SLF1: variants seen among roughly 807,000 people sequenced by gnomAD.
The protein encoded by SLF1 is SMC5/6 complex localization factor 1.
A neutral mutation model predicts 123.0 loss-of-function variants in SLF1; 105 were observed. That is an observed-to-expected ratio of 0.85 (90% confidence interval 0.73 to 1.00). The LOEUF (loss-of-function observed/expected upper bound fraction) is 1.00. SLF1 is among the 50% of genes least tolerant of loss of function. The pLI is 0.00. For synonymous variants in SLF1, 434 were observed against 406.6 expected (o/e 1.07, Z -0.81); for missense variants, 1,239 against 1,223.0 (o/e 1.01, Z -0.20).
chr5:94,640,001 A>G (rs1746266013), intron 4 of SLF1, among the ~76,000 whole-genome samples: 1 of 152,198 alleles, frequency 6.6e-6, no homozygotes, highest in Admixed American at 6.5e-5. Context: ...ATACATTGGT[A>G]ATATTTTACT....
rs764440450 is a variant in SLF1 at position 94,670,824 on chromosome 5, T to C, written c.1662-19T>C. On this transcript the variant is annotated intron_variant, in intron 13 of 20. Transcript: ENST00000265140. ...TCAAATTGGCTTAAAGATATACTTT[T>C]TGTTTATATTTTAATTAGGTTGTAT... is the stretch of plus-strand genomic sequence containing the variant. 1 of 1,524,660 alleles carries C rather than the reference T, an allele frequency of 6.6e-7. No homozygotes were observed. Among genetic ancestry groups the C allele is most frequent in the South Asian group, 1.2e-5 (1 of 81,194 alleles). 94.4% of individuals were successfully genotyped at this position (1,524,660 alleles called of 1,614,324 possible).
chr5:94,669,768 G>A (rs974380002), intron 12 of SLF1, among the ~76,000 whole-genome samples: 5 of 151,996 alleles, frequency 3.3e-5, no homozygotes, highest in Non-Finnish European at 5.9e-5. Flanking sequence ...TCTTGGGTAA[G>A]AAAGAGGAGG....
chr5:94,639,464 T>C (rs75727725), intron 4 of SLF1, among the ~76,000 whole-genome samples: 238 of 152,354 alleles, frequency 1.6e-3, no homozygotes, highest in Non-Finnish European at 2.8e-3. Flanking sequence ...CTGTAATATA[T>C]ACAGTGTCCA....
intron 11 of SLF1, among the ~76,000 whole-genome samples, chr5:94,665,349 A>G (rs1373544434): frequency 2.0e-5 from 3 of 152,220 alleles, no homozygotes; most frequent in Non-Finnish European, 4.4e-5. Flanking sequence ...TTCAGGTATC[A>G]GCTGTACATA....
intron 11 of SLF1, among the ~76,000 whole-genome samples, chr5:94,664,441 C>T (rs976952379): frequency 5.3e-5 from 8 of 152,176 alleles, no homozygotes; most frequent in African/African-American, 1.7e-4. Flanking sequence ...ACTGTAGGCG[C>T]ATGCCACCAT....
intron 15 of SLF1, 100 bp from the exon 16 acceptor site, chr5:94,686,473 G>A (rs1353709319): frequency 7.9e-7 from 1 of 1,273,466 alleles, no homozygotes; most frequent in Non-Finnish European, 1.1e-6. Flanking sequence ...AGGTGTAAGA[G>A]CTCTCATTTG....
chr5:94,665,230 A>G (rs1443772036), intron 11 of SLF1, among the ~76,000 whole-genome samples: 1 of 152,072 alleles, frequency 6.6e-6, no homozygotes, highest in Admixed American at 6.5e-5. Context: ...TCCCAAATAC[A>G]GAATACTGTA....
chr5:94,622,383 C>CAA (rs1191037222), intron 1 of SLF1, among the ~76,000 whole-genome samples: 2 of 152,104 alleles, frequency 1.3e-5, no homozygotes, highest in African/African-American at 2.4e-5. Context: ...AAATAACAAA[C>CAA]ACTGAGAAAC....
rs898048310 is a variant in SLF1, at chr5:94,694,988, A to G, written c.2853A>G (p.Gln951=). 3.1e-6 allele frequency: 5 copies of G among 1,612,652 alleles called. No individual in the cohort carries two copies. The highest frequency in any genetic ancestry group is 3.4e-6 in the Non-Finnish European group (4 of 1,179,148). ...AQAEKHFHYQ[Q]LEFGSFLLSR... is the part of the protein sequence containing the mutation. The stretch of plus-strand genomic sequence containing the variant: ...CAGAGAAACATTTTCATTACCAGCA[A>G]CTTGAATTTGGCTCCTTTTTACTTA... The change falls in exon 21 of 21, where the codon CAA becomes CAG. Residue 951 remains glutamine (Q), a synonymous_variant. Coordinates refer to ENST00000265140, the MANE Select transcript of SLF1 (RefSeq NM_032290.4).
At chr5:94,673,831 A>G (rs919966467) in intron 14 of SLF1, among the ~76,000 whole-genome samples, 1 of 151,724 alleles carries the variant, frequency 6.6e-6, no homozygotes, top group South Asian at 2.1e-4. Context: ...TTTTTGAGGT[A>G]CTATTTTTTT....
intron 2 of SLF1, 45 bp downstream of exon 2, chr5:94,628,969 T>C: frequency 6.9e-7 from 1 of 1,450,724 alleles, no homozygotes; most frequent in South Asian, 1.3e-5. Context: ...GAAAAATAAC[T>C]ACAATTCAAA....
At position 94,629,174 on chromosome 5, in the gene SLF1, T is replaced by G; in HGVS notation, c.190+7T>G. On this transcript the variant is annotated splice_region_variant and intron_variant, in intron 3 of 20. Transcript: ENST00000265140. ...TTAGCAGCTTGTGCGGCAGGTAAGT[T>G]AACTGTCTTCCCCCAACTTTTAAAA... is the stretch of plus-strand genomic sequence containing the variant. The G allele has an allele frequency of 6.5e-7, 1 of 1,545,710 alleles. No homozygotes were observed. The highest frequency in any genetic ancestry group is 8.7e-7 in the Non-Finnish European group (1 of 1,144,004).
chr5:94,675,396 A>G (rs1312508790), intron 14 of SLF1, among the ~76,000 whole-genome samples: 3 of 152,166 alleles, frequency 2.0e-5, no homozygotes, highest in East Asian at 3.8e-4. Flanking sequence ...GTCAGCTTTA[A>G]CAAATATTTC....
rs1474556975 is a variant in SLF1, at chr5:94,696,303, A to C, written c.*991A>C. On this transcript the variant is annotated 3_prime_UTR_variant, in exon 21 of 21. Coordinates refer to ENST00000265140, the MANE Select transcript of SLF1 (RefSeq NM_032290.4). ...ATGTAATTCAAGTGATGACCTTAGC[A>C]GTTAATCTGCTAAAGCAATACACTT... is the stretch of plus-strand genomic sequence containing the variant. 2 of 151,894 alleles carry C rather than the reference A, an allele frequency of 1.3e-5. No homozygotes were observed. The highest frequency in any genetic ancestry group is 1.3e-4 in the Admixed American group (2 of 15,194). The allele number at this position is 151,894 out of a possible 1,614,324, so 9.4% of individuals were successfully genotyped here. A position where few individuals can be genotyped will look rare whatever the true frequency, so the allele number is the denominator to read the frequency against.
Position 94,649,448 on chromosome 5 carries a change from A to G in SLF1, c.595-6A>G, listed in dbSNP as rs1267653390. On this transcript the variant is annotated splice_region_variant and splice_polypyrimidine_tract_variant and intron_variant, in intron 5 of 20. Coordinates refer to ENST00000265140, the MANE Select transcript of SLF1 (RefSeq NM_032290.4). ...GATTGCCTAAACCATTTTTACATAC[A>G]TACAGAAAGAAATTCAGAATGATGA... The G allele has an allele frequency of 2.0e-6, 3 of 1,490,132 alleles. No individual in the cohort carries two copies. Among genetic ancestry groups the G allele is most frequent in the Middle Eastern group, 3.8e-4 (2 of 5,224 alleles). 92.3% of individuals were successfully genotyped at this position (1,490,132 alleles called of 1,614,324 possible).
In SLF1 at chr5:94,636,798, ACCT is replaced by A. The variant is rs564602414; in HGVS notation, c.431+6065_431+6067del. The stretch of plus-strand genomic sequence containing the variant: ...AGTGGCACAATCTTGGCTCACTGCA[ACCT>A]CCTCCTCCTGGGTTCAAGCGAATCC... On this transcript the variant is annotated intron_variant, in intron 4 of 20. Transcript: ENST00000265140. Among the ~76,000 whole-genome samples, 91 of 140,292 alleles carry A rather than the reference ACCT, an allele frequency of 6.5e-4. 1 individual carries two copies. The East Asian group carries it at 0.018, about 28-fold the overall frequency. 92.0% of individuals were successfully genotyped at this position (140,292 alleles called of 152,430 possible).
chr5:94,695,173 G>C lies in SLF1; in HGVS notation c.3038G>C (p.Gly1013Ala), dbSNP rs1237940694. 6.2e-7 allele frequency: 1 copy of C among 1,612,778 alleles called. No individual in the cohort carries two copies. The highest frequency in any genetic ancestry group is 8.5e-7 in the Non-Finnish European group (1 of 1,179,102). The change falls in exon 21 of 21, where the codon GGA (glycine) becomes GCA (alanine). Residue 1013 changes from glycine (G) to alanine (A), a missense_variant. Physicochemically the swap from Gly to Ala is moderately conservative, Grantham distance 60 (BLOSUM62 0). Transcript: ENST00000265140. ...HTDWLLDLYA[G>A]NIKTLQKLPH... ...GACTGGTTACTGGATCTTTATGCTGGAAATATAAAGACATTGCAGAAACTC... is the reference window on the plus strand; with the variant it reads ...GACTGGTTACTGGATCTTTATGCTGCAAATATAAAGACATTGCAGAAACTC...
At chr5:94,648,255 T>C (rs1356905882) in intron 5 of SLF1, among the ~76,000 whole-genome samples, 1 of 152,188 alleles carries the variant, frequency 6.6e-6, no homozygotes, top group Non-Finnish European at 1.5e-5. Context: ...CCTTTCTGAG[T>C]TGCTGAAAAA....
At chr5:94,620,081 T>C (rs1791581007) in intron 1 of SLF1, 1 of 152,248 alleles carries the variant, frequency 6.6e-6, no homozygotes, top group Non-Finnish European at 1.5e-5. Flanking sequence ...GGTTTCACCA[T>C]GCTGTCCAGG....
Sources: allele counts gnomAD v4.1 joint callset (sites outside exome capture counted in the v4.1 genomes callset), GRCh38; gene constraint gnomAD v4.1.1; transcripts MANE v1.5; gene names NCBI Gene and HGNC (gene_info 2026-07-23, HGNC 2026-07-21).